TRIQK: variants seen among roughly 807,000 people sequenced by gnomAD.
TRIQK encodes triple QxxK/R motif-containing protein.
In TRIQK, 10 loss-of-function variants were observed where a neutral mutation model predicts 10.8. The observed-to-expected ratio is 0.92, with a 90% CI of 0.57 to 1.57. TRIQK has a LOEUF of 1.57. Among genes scored for constraint, TRIQK ranks in the 40% most tolerant of loss-of-function variants. The pLI, the probability that TRIQK is intolerant of heterozygous loss-of-function variation, is 0.00. For synonymous variants in TRIQK, 33 were observed against 33.7 expected (o/e 0.98, Z 0.07); for missense variants, 107 against 97.7 (o/e 1.09, Z -0.40).
intron 4 of TRIQK, chr8:92,887,016 A>C (rs1816519865): frequency 4.9e-6 from 1 of 203,630 alleles, no homozygotes; most frequent in Non-Finnish European, 9.9e-6. Flanking sequence ...GTATCATTTT[A>C]ATATATTTTT....
chr8:92,998,591 A>G (rs1813176515), intron 1 of TRIQK, among the ~76,000 whole-genome samples: 1 of 152,100 alleles, frequency 6.6e-6, no homozygotes. Context: ...TTAATGTATA[A>G]CATTAGATGA....
intron 1 of TRIQK, among the ~76,000 whole-genome samples, chr8:93,013,747 C>G (rs1286423641): frequency 6.6e-6 from 1 of 151,904 alleles, no homozygotes; most frequent in Admixed American, 6.6e-5. Context: ...ATGTATTTTC[C>G]CCACAAAACA....
At chr8:92,999,394 C>T (rs942232523) in intron 1 of TRIQK, among the ~76,000 whole-genome samples, 5 of 152,106 alleles carry the variant, frequency 3.3e-5, no homozygotes, top group East Asian at 1.9e-4. Flanking sequence ...TTAAAAAACA[C>T]GTAGTCTCTG....
chr8:92,969,785 T>C (rs887273208), upstream of TRIQK, among the ~76,000 whole-genome samples: 3 of 119,516 alleles, frequency 2.5e-5, no homozygotes, highest in African/African-American at 1.0e-4. Context: ...TAAAAAAAAT[T>C]AATTTTTTTT....
chr8:92,931,692 A>G (rs999339006), intron 2 of TRIQK, among the ~76,000 whole-genome samples: 2 of 152,182 alleles, frequency 1.3e-5, no homozygotes. Flanking sequence ...GACCTATAAT[A>G]GGATGACCAT....
intron 2 of TRIQK, among the ~76,000 whole-genome samples, chr8:92,919,066 T>C (rs1184537672): frequency 1.3e-5 from 2 of 151,890 alleles, no homozygotes; most frequent in Non-Finnish European, 2.9e-5. Context: ...TTCTCTGTTC[T>C]ATTCTATTGA....
chr8:92,923,600 C>A (rs1586431775), intron 2 of TRIQK, among the ~76,000 whole-genome samples: 1 of 151,722 alleles, frequency 6.6e-6, no homozygotes, highest in Non-Finnish European at 1.5e-5. Flanking sequence ...ATTCTTGAAA[C>A]TTGATAACAC....
chr8:93,012,707 G>T (rs1434001400), intron 1 of TRIQK, among the ~76,000 whole-genome samples: 1 of 152,058 alleles, frequency 6.6e-6, no homozygotes, highest in African/African-American at 2.4e-5. Flanking sequence ...CTTAAATCTT[G>T]AACTCCAATA....
rs549946234 is a variant in TRIQK at position 92,915,763 on chromosome 8, T to G, written c.61+1166A>C. Among the ~76,000 whole-genome samples, 3 of 107,058 alleles carry G rather than the reference T, an allele frequency of 2.8e-5. No individual in the cohort carries two copies. The East Asian group carries it at 7.5e-4, about 27-fold the overall frequency. The allele number at this position is 107,058 out of a possible 152,430, so 70.2% of individuals were successfully genotyped here. A position where few individuals can be genotyped will look rare whatever the true frequency, so the allele number is the denominator to read the frequency against. On this transcript the variant is annotated intron_variant, in intron 3 of 4. Transcript: ENST00000521988. The stretch of plus-strand genomic sequence containing the variant: ...ATCCACCTGCCTCGGCCTCCCAAAG[T>G]GCTGGGATTACTGGCGTTAAGTCAC...
At chr8:92,998,740 G>T (rs374271677) in intron 1 of TRIQK, among the ~76,000 whole-genome samples, 1 of 151,904 alleles carries the variant, frequency 6.6e-6, no homozygotes, top group Non-Finnish European at 1.5e-5. Context: ...TAGGCATAAG[G>T]ACTACAAAAA....
At chr8:92,914,771 CTTGTATATTCT>C (rs1809741978) in intron 3 of TRIQK, among the ~76,000 whole-genome samples, 1 of 151,956 alleles carries the variant, frequency 6.6e-6, no homozygotes, top group African/African-American at 2.4e-5. Context: ...AGACAGAATC[CTTGTATATTCT>C]TAGTAGAAAT....
chr8:92,972,228 A>T (rs1049718286), intron 1 of TRIQK, among the ~76,000 whole-genome samples: 1 of 152,138 alleles, frequency 6.6e-6, no homozygotes, highest in Non-Finnish European at 1.5e-5. Flanking sequence ...TTGATTTGTT[A>T]TAAAAATATT....
At chr8:92,918,617 A>C (rs1325752769) in intron 2 of TRIQK, among the ~76,000 whole-genome samples, 2 of 152,046 alleles carry the variant, frequency 1.3e-5, no homozygotes, top group Non-Finnish European at 2.9e-5. Context: ...TCTGGGTATT[A>C]ATCCTTTGTT....
At chr8:92,984,456 A>C (rs1813013578) in intron 1 of TRIQK, among the ~76,000 whole-genome samples, 1 of 152,096 alleles carries the variant, frequency 6.6e-6, no homozygotes, top group African/African-American at 2.4e-5. Context: ...GGGATCTGAA[A>C]AGTGTGAGTT....
chr8:92,923,377 T>C (rs1379840654), intron 2 of TRIQK, among the ~76,000 whole-genome samples: 1 of 151,794 alleles, frequency 6.6e-6, no homozygotes, highest in Non-Finnish European at 1.5e-5. Context: ...AGACTTATAT[T>C]AGCATGTACA....
chr8:92,937,024 C>A (rs938243974), intron 2 of TRIQK, among the ~76,000 whole-genome samples: 1 of 151,588 alleles, frequency 6.6e-6, no homozygotes, highest in African/African-American at 2.4e-5. Flanking sequence ...AGATTATGTA[C>A]CTACAAGAAC....
intron 1 of TRIQK, among the ~76,000 whole-genome samples, chr8:92,964,392 G>T (rs1812621865): frequency 1.3e-5 from 2 of 151,196 alleles, no homozygotes; most frequent in South Asian, 4.2e-4. Flanking sequence ...AGTGGTAAAT[G>T]ACACCAAAAA....
chr8:92,938,690 A>C (rs911795989), intron 2 of TRIQK, among the ~76,000 whole-genome samples: 1 of 152,060 alleles, frequency 6.6e-6, no homozygotes, highest in African/African-American at 2.4e-5. Context: ...TTTTGTTGGG[A>C]GGGGCAATTA....
chr8:92,970,780 T>G (rs1275197320), upstream of TRIQK, among the ~76,000 whole-genome samples: 1 of 152,198 alleles, frequency 6.6e-6, no homozygotes, highest in African/African-American at 2.4e-5. Flanking sequence ...TCTTTTGCTA[T>G]GCAGAAGCTC....
Sources: allele counts gnomAD v4.1 joint callset (sites outside exome capture counted in the v4.1 genomes callset), GRCh38; gene constraint gnomAD v4.1.1; transcripts MANE v1.5; gene names NCBI Gene and HGNC (gene_info 2026-07-23, HGNC 2026-07-21).